MEGF11: variants seen among roughly 807,000 people sequenced by gnomAD.
The protein encoded by MEGF11 is multiple EGF like domains 11.
MEGF11 carries 126 observed loss-of-function variants against 146.6 expected under a neutral mutation model. The observed-to-expected ratio is 0.86, with a 90% CI of 0.74 to 1.00. MEGF11 has a LOEUF of 1.00. MEGF11 is among the 50% of genes least tolerant of loss of function. The probability of loss-of-function intolerance (pLI) is 0.00; values close to 1 mark genes in which losing one functional copy is unlikely to be tolerated. For synonymous variants in MEGF11, 532 were observed against 583.4 expected, an observed-to-expected ratio of 0.91 and a Z score of 1.27; for missense variants, 1,509 against 1,521.2, an observed-to-expected ratio of 0.99 and a Z score of 0.13.
chr15:66,233,389 C>G (rs1404087160), intron 1 of MEGF11, among the ~76,000 whole-genome samples: 1 of 152,108 alleles, frequency 6.6e-6, no homozygotes, highest in African/African-American at 2.4e-5. Context: ...GTGCCCACCA[C>G]CACACCAGGC....
At chr15:66,077,952 A>G (rs2085662575) in intron 5 of MEGF11, among the ~76,000 whole-genome samples, 1 of 152,176 alleles carries the variant, frequency 6.6e-6, no homozygotes, top group Non-Finnish European at 1.5e-5. Flanking sequence ...CAAGGAGATG[A>G]GCACTTCCCG....
chr15:65,908,987 G>A, intron 23 of MEGF11, 47 bp downstream of exon 23: 1 of 1,240,574 alleles, frequency 8.1e-7, no homozygotes, highest in Non-Finnish European at 1.1e-6. Flanking sequence ...GGCAGGTGCT[G>A]GGTCTGGTCT....
intron 1 of MEGF11, among the ~76,000 whole-genome samples, chr15:66,187,246 C>T (rs572903649): frequency 6.6e-5 from 10 of 152,366 alleles, no homozygotes; most frequent in South Asian, 2.1e-4. Context: ...TCTAGGAACA[C>T]GCCTGGCCAA....
intron 1 of MEGF11, among the ~76,000 whole-genome samples, chr15:66,164,354 C>T (rs903373903): frequency 2.6e-5 from 4 of 152,058 alleles, no homozygotes; most frequent in South Asian, 2.1e-4. Context: ...CAACCTGGAT[C>T]GCTGCACGTG....
chr15:66,160,256 TCTC>T (rs2089904604), intron 1 of MEGF11, among the ~76,000 whole-genome samples: 1 of 151,578 alleles, frequency 6.6e-6, no homozygotes, highest in Admixed American at 6.6e-5. Flanking sequence ...TCTCTCTCTC[TCTC>T]TCTCTCTCTC....
At chr15:65,909,853 C>T in intron 21 of MEGF11, 47 bp from the exon 22 acceptor site, 1 of 1,491,622 alleles carries the variant, frequency 6.7e-7, no homozygotes, top group Non-Finnish European at 9.1e-7. Flanking sequence ...GCCCCAGGTA[C>T]CCCTCCCCAG....
intron 24 of MEGF11, chr15:65,902,240 T>C (rs2078513530): frequency 6.6e-6 from 1 of 152,248 alleles, no homozygotes; most frequent in African/African-American, 2.4e-5. Context: ...AAGTCGGGGC[T>C]ACTTTAAAGT....
intron 1 of MEGF11, among the ~76,000 whole-genome samples, chr15:66,250,980 A>G (rs1274911863): frequency 6.6e-6 from 1 of 152,192 alleles, no homozygotes; most frequent in Non-Finnish European, 1.5e-5. Context: ...ATGATGAGAA[A>G]GGAGAAAAGA....
chr15:66,053,961 A>C (rs373422130), intron 5 of MEGF11, among the ~76,000 whole-genome samples: 12 of 151,830 alleles, frequency 7.9e-5, no homozygotes, highest in East Asian at 5.8e-4. Context: ...GAGCTCAAGC[A>C]ATCTGCCCAG....
intron 1 of MEGF11, among the ~76,000 whole-genome samples, chr15:66,192,470 AAAAATAAAATAAAATAAAATAAAAT>A (rs56910946): frequency 0.2 from 25,951 of 130,414 alleles, 2,821 homozygotes; most frequent in African/African-American, 0.27. Context: ...ACTCCATCTC[AAAAATAAAATAAAATAAAATAAAAT>A]AAAATAAAAT....
At chr15:66,214,702 CT>C (rs562924637) in intron 1 of MEGF11, among the ~76,000 whole-genome samples, 26 of 152,174 alleles carry the variant, frequency 1.7e-4, no homozygotes, top group Non-Finnish European at 2.8e-4. Context: ...ACTGCATCAT[CT>C]TGTGTGTGTT....
rs112003003 is a variant in MEGF11 at position 66,094,302 on chromosome 15, G to A, written c.394+100C>T. On this transcript the variant is annotated intron_variant, in intron 5 of 25. Transcript: ENST00000395614. Reference sequence around the variant, plus strand: ...AGGCCCAGGTAGCCCACCCCAAGTCGCCCCAGCACAACACAAAAATGTAGC... The same window carrying A: ...AGGCCCAGGTAGCCCACCCCAAGTCACCCCAGCACAACACAAAAATGTAGC... The A allele has an allele frequency of 5.5e-5, 52 of 944,638 alleles. 2 individuals carry two copies. The African/African-American group carries it at 5.9e-4, about 11-fold the overall frequency. The allele number at this position is 944,638 out of a possible 1,614,324, so 58.5% of individuals were successfully genotyped here.
At chr15:66,166,841 C>A (rs1018148349) in intron 1 of MEGF11, among the ~76,000 whole-genome samples, 65 of 152,078 alleles carry the variant, frequency 4.3e-4, no homozygotes, top group African/African-American at 1.4e-3. Context: ...ACACAGCAAT[C>A]CTGGATAAAT....
At chr15:65,942,953 A>C (rs1237827024) in intron 10 of MEGF11, among the ~76,000 whole-genome samples, 1 of 150,646 alleles carries the variant, frequency 6.6e-6, no homozygotes, top group African/African-American at 2.4e-5. Flanking sequence ...AAAACAAAAC[A>C]AAAACAAAAA....
At chr15:66,023,556 T>C (rs2083231178) in intron 5 of MEGF11, among the ~76,000 whole-genome samples, 1 of 152,230 alleles carries the variant, frequency 6.6e-6, no homozygotes. Flanking sequence ...GAATCCCTCT[T>C]AGCTGGCCTT....
At chr15:66,096,656 G>A (rs1417835238) in intron 4 of MEGF11, among the ~76,000 whole-genome samples, 1 of 152,334 alleles carries the variant, frequency 6.6e-6, no homozygotes, top group Middle Eastern at 3.4e-3. Context: ...CAGAGACAGA[G>A]GGTGGAGGAG....
intron 10 of MEGF11, among the ~76,000 whole-genome samples, chr15:65,948,093 C>T (rs1306296593): frequency 1.3e-5 from 2 of 152,178 alleles, no homozygotes; most frequent in Admixed American, 1.3e-4. Context: ...ACTTAACCCC[C>T]TGGTGACTCC....
intron 1 of MEGF11, among the ~76,000 whole-genome samples, chr15:66,132,869 C>T (rs1380522432): frequency 6.6e-6 from 1 of 152,176 alleles, no homozygotes; most frequent in African/African-American, 2.4e-5. Context: ...GCCACTAGAA[C>T]ATATACTTCA....
chr15:66,176,470 C>A (rs2090391291), intron 1 of MEGF11, among the ~76,000 whole-genome samples: 1 of 152,048 alleles, frequency 6.6e-6, no homozygotes, highest in South Asian at 2.1e-4. Context: ...CATACAGTAG[C>A]CTTATGTAGC....
Sources: allele counts gnomAD v4.1 joint callset (sites outside exome capture counted in the v4.1 genomes callset), GRCh38; gene constraint gnomAD v4.1.1; transcripts MANE v1.5; gene names NCBI Gene and HGNC (gene_info 2026-07-23, HGNC 2026-07-21).